SND1: variants seen among roughly 807,000 people sequenced by gnomAD.
SND1 encodes the protein staphylococcal nuclease and tudor domain containing 1, also known as staphylococcal nuclease domain-containing protein 1.
SND1 carries 38 observed loss-of-function variants against 121.7 expected under a neutral mutation model. The observed-to-expected ratio is 0.31, with a 90% CI of 0.24 to 0.41. The LOEUF (loss-of-function observed/expected upper bound fraction) is 0.41. Ranked by LOEUF, SND1 falls within the 10% of genes least tolerant of loss-of-function variation. The probability of loss-of-function intolerance (pLI) is 1.00; values close to 1 mark genes in which losing one functional copy is unlikely to be tolerated. For synonymous variants in SND1, 401 were observed against 447.4 expected, an observed-to-expected ratio of 0.90 and a Z score of 1.31; for missense variants, 868 against 1,184.6, an observed-to-expected ratio of 0.73 and a Z score of 3.92.
intron 13 of SND1, among the ~76,000 whole-genome samples, chr7:127,904,194 G>C (rs1440314374): frequency 1.3e-5 from 2 of 152,144 alleles, no homozygotes; most frequent in Non-Finnish European, 2.9e-5. Flanking sequence ...AGCTAAGACT[G>C]ATTGAAAATG....
At chr7:127,910,397 A>AG (rs1288947691) in intron 14 of SND1, among the ~76,000 whole-genome samples, 2 of 152,168 alleles carry the variant, frequency 1.3e-5, no homozygotes, top group Non-Finnish European at 2.9e-5. Context: ...GTGAGCTAAG[A>AG]TAGCATCACT....
intron 11 of SND1, among the ~76,000 whole-genome samples, chr7:127,807,975 G>T (rs1285915409): frequency 1.3e-5 from 2 of 152,108 alleles, no homozygotes; most frequent in Non-Finnish European, 2.9e-5. Context: ...GGGATAGGCT[G>T]GCTATAAGGG....
rs1002638464 is a variant in SND1, at chr7:127,836,800, G to T, written c.1243-7524G>T. 2.6e-5 allele frequency among the ~76,000 whole-genome samples: 4 copies of T among 152,018 alleles called. No individual in the cohort carries two copies. The South Asian group carries it at 8.3e-4, about 31-fold the overall frequency. ...ATTAGAATAAACTTCAAACACTAAG[G>T]TAAAGAATTCTAGAATCATGTTGAC... On this transcript the variant is annotated intron_variant, in intron 11 of 23. Transcript: ENST00000354725.
At chr7:127,927,323 G>C (rs1292356736) in intron 14 of SND1, among the ~76,000 whole-genome samples, 2 of 152,180 alleles carry the variant, frequency 1.3e-5, no homozygotes, top group Admixed American at 1.3e-4. Flanking sequence ...CTTCTCTTCT[G>C]AGATGTTAGG....
In SND1 at chr7:128,092,340, G is replaced by C. The variant is rs1041231709; in HGVS notation, c.*282G>C. On this transcript the variant is annotated 3_prime_UTR_variant, in exon 24 of 24. Coordinates refer to ENST00000354725, the MANE Select transcript of SND1 (RefSeq NM_014390.4). The surrounding 1 kb of genome is among the most constrained non-coding windows in gnomAD (Gnocchi z 4.9). ...TGTGGGCTTTTTTTAAAAAAAAAAA[G>C]TCCTCAAATCAGGAAGAAACATCAA... The C allele has an allele frequency of 1.6e-5, 7 of 441,906 alleles. 1 individual carries two copies. The highest frequency in any genetic ancestry group is 7.8e-5 in the African/African-American group (4 of 51,146). The allele number at this position is 441,906 out of a possible 1,614,324, so 27.4% of individuals were successfully genotyped here.
intron 10 of SND1, among the ~76,000 whole-genome samples, chr7:127,753,755 C>T (rs1797145438): frequency 6.6e-6 from 1 of 152,142 alleles, no homozygotes; most frequent in Non-Finnish European, 1.5e-5. Flanking sequence ...TATTTCCTGC[C>T]TTCTTTGGGC....
chr7:128,087,496 G>A (rs1394598394), intron 21 of SND1, among the ~76,000 whole-genome samples: 1 of 152,214 alleles, frequency 6.6e-6, no homozygotes, highest in African/African-American at 2.4e-5. Flanking sequence ...ATGGCACAGT[G>A]AACAGAGGGA....
At chr7:128,020,745 A>G (rs1445467104) in intron 16 of SND1, among the ~76,000 whole-genome samples, 1 of 152,170 alleles carries the variant, frequency 6.6e-6, no homozygotes, top group African/African-American at 2.4e-5. Flanking sequence ...GGATTAAGGA[A>G]AGGGAAAGCC....
In SND1 at chr7:127,698,968, C is replaced by T. The variant is rs1269064347; in HGVS notation, c.428+15C>T. ...AGAGCTAATAAGTAAGTATTCATTA[C>T]TCCGCTGTCTCTCTGACAGCGGTAA... On this transcript the variant is annotated intron_variant, in intron 4 of 23. Coordinates refer to ENST00000354725, the MANE Select transcript of SND1 (RefSeq NM_014390.4). 6.2e-7 allele frequency: 1 copy of T among 1,602,808 alleles called. No homozygotes were observed. Among genetic ancestry groups the T allele is most frequent in the Admixed American group, 1.7e-5 (1 of 59,906 alleles).
intron 9 of SND1, among the ~76,000 whole-genome samples, chr7:127,713,034 A>C (rs943834587): frequency 2.6e-5 from 4 of 152,266 alleles, no homozygotes; most frequent in Non-Finnish European, 4.4e-5. Context: ...AGTATATACC[A>C]CTAAGTGTGT....
chr7:127,985,314 G>A (rs925414446), intron 15 of SND1, among the ~76,000 whole-genome samples: 4 of 152,244 alleles, frequency 2.6e-5, no homozygotes, highest in Non-Finnish European at 4.4e-5. Context: ...CTAGAGTGCA[G>A]TGGTACAATC....
In SND1 at chr7:128,029,292, T is replaced by C. The variant is rs1279430391; in HGVS notation, c.1779+38236T>C. The C allele has an allele frequency of 1.9e-6, 3 of 1,613,968 alleles. No individual in the cohort carries two copies. Among genetic ancestry groups the C allele is most frequent in the African/African-American group, 2.7e-5 (2 of 74,866 alleles). ...TGTTACTGTGGTGAAGAAGCTGTAG[T>C]TGGAGGTGTTAAGCTCAGCCGTGCT... On this transcript the variant is annotated intron_variant, in intron 16 of 23. Coordinates refer to ENST00000354725, the MANE Select transcript of SND1 (RefSeq NM_014390.4). This position sits in a 1 kb window ranked among gnomAD's most constrained non-coding sequence, Gnocchi z 4.2.
chr7:127,699,710 A>C (rs1003992311), intron 4 of SND1, among the ~76,000 whole-genome samples: 3 of 152,226 alleles, frequency 2.0e-5, no homozygotes, highest in Non-Finnish European at 2.9e-5. Context: ...GCTGGTTTTC[A>C]TTAACATTTT....
At chr7:128,070,270 A>G (rs1793386720) in intron 16 of SND1, among the ~76,000 whole-genome samples, 1 of 152,188 alleles carries the variant, frequency 6.6e-6, no homozygotes, top group Admixed American at 6.5e-5. Context: ...CAGCTTCAGC[A>G]TGGGCACTAA....
chr7:127,794,329 A>G (rs1033613609), intron 10 of SND1, among the ~76,000 whole-genome samples: 5 of 152,206 alleles, frequency 3.3e-5, no homozygotes, highest in East Asian at 1.9e-4. Context: ...GTGCACTTAC[A>G]TAATTCAGTC....
chr7:127,727,492 G>C (rs767007208), intron 10 of SND1, among the ~76,000 whole-genome samples: 2 of 152,152 alleles, frequency 1.3e-5, no homozygotes, highest in African/African-American at 4.8e-5. Flanking sequence ...TCTGAGACAC[G>C]TGCCAACAGA....
At chr7:128,007,731 G>A (rs1210196655) in intron 16 of SND1, among the ~76,000 whole-genome samples, 1 of 152,148 alleles carries the variant, frequency 6.6e-6, no homozygotes, top group Non-Finnish European at 1.5e-5. Context: ...TTTAGGAATG[G>A]AAATCTACAT....
intron 12 of SND1, among the ~76,000 whole-genome samples, chr7:127,860,052 G>GGA (rs1799348265): frequency 6.6e-6 from 1 of 152,188 alleles, no homozygotes; most frequent in Non-Finnish European, 1.5e-5. Flanking sequence ...GGGCCAATGG[G>GGA]GAGATGGTTA....
intron 10 of SND1, among the ~76,000 whole-genome samples, chr7:127,767,118 CT>C (rs1221485637): frequency 6.6e-6 from 1 of 152,036 alleles, no homozygotes; most frequent in Non-Finnish European, 1.5e-5. Flanking sequence ...CTTACTCATC[CT>C]ACTTCTCATT....
Sources: gnomAD v4.1 joint callset for allele counts (sites outside exome capture counted in the v4.1 genomes callset) on GRCh38, gnomAD v4.1.1 for gene constraint, Gnocchi (gnomAD v3.1) non-coding constraint, MANE v1.5 for transcripts, NCBI Gene and HGNC (gene_info 2026-07-23, HGNC 2026-07-21) for gene names.